OSBPL9: variants seen among roughly 807,000 people sequenced by gnomAD.
OSBPL9 encodes the protein oxysterol-binding protein-related protein 9.
In OSBPL9, 40 loss-of-function variants were observed where a neutral mutation model predicts 106.6. The observed-to-expected ratio is 0.38, with a 90% confidence interval of 0.29 to 0.49. OSBPL9 has a LOEUF of 0.49. Among genes scored for constraint, OSBPL9 ranks in the 20% least tolerant of loss-of-function variants. The probability of loss-of-function intolerance (pLI) is 0.97; values close to 1 mark genes in which losing one functional copy is unlikely to be tolerated. For synonymous variants in OSBPL9, 269 were observed against 295.4 expected (o/e 0.91, Z 0.92); for missense variants, 609 against 887.2 (o/e 0.69, Z 3.98).
chr1:51,740,168 A>G (rs1160088799), intron 4 of OSBPL9: 9 of 1,546,798 alleles, frequency 5.8e-6, no homozygotes, highest in Non-Finnish European at 7.9e-6. Flanking sequence ...GCTTTTTTCC[A>G]GTCTTCTGGT....
the OSBPL9 span, among the ~76,000 whole-genome samples, chr1:51,523,135 A>C: frequency 6.6e-6 from 1 of 152,100 alleles, no homozygotes; most frequent in Non-Finnish European, 1.5e-5. Context: ...AATAAATAAG[A>C]ATAAGGGTGC....
intron 4 of OSBPL9, among the ~76,000 whole-genome samples, chr1:51,727,646 T>C (rs959278396): frequency 2.0e-5 from 3 of 152,222 alleles, no homozygotes; most frequent in African/African-American, 7.2e-5. Context: ...TTTATGAAAA[T>C]ATATTGTACA....
chr1:51,772,513 C>G, intron 13 of OSBPL9, 92 bp from the exon 14 acceptor site: 1 of 1,084,996 alleles, frequency 9.2e-7, no homozygotes, highest in South Asian at 1.3e-5. Flanking sequence ...GAGACTCCAT[C>G]TCAAACAAAC....
the OSBPL9 span, among the ~76,000 whole-genome samples, chr1:51,532,566 C>T: frequency 6.6e-6 from 1 of 152,202 alleles, no homozygotes; most frequent in Non-Finnish European, 1.5e-5. Flanking sequence ...CCAGGTAGCA[C>T]TAAAAGCCCA....
the OSBPL9 span, among the ~76,000 whole-genome samples, chr1:51,522,456 C>T: frequency 2.0e-5 from 3 of 152,012 alleles, no homozygotes; most frequent in East Asian, 5.8e-4. Context: ...GAATAATGGG[C>T]CAAATTCCCA....
intron 7 of OSBPL9, chr1:51,749,456 G>T (rs981628804): frequency 2.6e-6 from 1 of 381,436 alleles, no homozygotes; most frequent in East Asian, 7.5e-5. Context: ...AGGGCTATAG[G>T]CACACGCTAC....
intron 4 of OSBPL9, among the ~76,000 whole-genome samples, chr1:51,730,847 G>A (rs867086826): frequency 1.1e-4 from 17 of 152,170 alleles, no homozygotes; most frequent in Non-Finnish European, 2.2e-4. Context: ...TCTCAGTGGA[G>A]AAGCTGGAAG....
At chr1:51,615,867 T>C (rs183810862), upstream of OSBPL9, among the ~76,000 whole-genome samples, 18 of 152,282 alleles carry the variant, frequency 1.2e-4, 1 homozygote, top group East Asian at 2.9e-3. Context: ...TTAATCAGTA[T>C]TGGATATTTT....
At chr1:51,731,788 A>AG (rs1664510067) in intron 4 of OSBPL9, among the ~76,000 whole-genome samples, 1 of 152,084 alleles carries the variant, frequency 6.6e-6, no homozygotes, top group African/African-American at 2.4e-5. Flanking sequence ...AAAAAAAAAA[A>AG]AAAAACTCTT....
At chr1:51,647,647 A>G (rs575682001) in intron 1 of OSBPL9, among the ~76,000 whole-genome samples, 1 of 151,926 alleles carries the variant, frequency 6.6e-6, no homozygotes, top group Non-Finnish European at 1.5e-5. Flanking sequence ...CTTTCTTGGA[A>G]TTTATTGGTT....
At chr1:51,733,883 T>G (rs897877368) in intron 4 of OSBPL9, among the ~76,000 whole-genome samples, 4 of 152,026 alleles carry the variant, frequency 2.6e-5, no homozygotes, top group African/African-American at 9.7e-5. Flanking sequence ...GTAGTACGAG[T>G]ACTAATTGGT....
At chr1:51,680,885 A>G (rs938956022) in intron 3 of OSBPL9, among the ~76,000 whole-genome samples, 1 of 152,114 alleles carries the variant, frequency 6.6e-6, no homozygotes, top group African/African-American at 2.4e-5. Context: ...AGTCTTGCCC[A>G]ATTGCGTTTA....
chr1:51,635,342 C>T (rs1038635167), intron 1 of OSBPL9, among the ~76,000 whole-genome samples: 1 of 151,766 alleles, frequency 6.6e-6, no homozygotes, highest in African/African-American at 2.4e-5. Context: ...GTGAGGTAAT[C>T]TTCCTAGATT....
intron 10 of OSBPL9, among the ~76,000 whole-genome samples, chr1:51,761,043 G>A (rs1671375714): frequency 6.6e-6 from 1 of 152,172 alleles, no homozygotes; most frequent in Non-Finnish European, 1.5e-5. Flanking sequence ...GGATTCACTG[G>A]TAGAACAGGA....
At chr1:51,741,265 T>C (rs1666832647) in intron 4 of OSBPL9, among the ~76,000 whole-genome samples, 1 of 152,208 alleles carries the variant, frequency 6.6e-6, no homozygotes, top group African/African-American at 2.4e-5. Flanking sequence ...CAGATGTGTA[T>C]GTTTCTCTTT....
intron 8 of OSBPL9, 128 bp downstream of exon 8, chr1:51,750,323 C>T: frequency 1.8e-6 from 1 of 567,804 alleles, no homozygotes; most frequent in East Asian, 3.2e-5. Flanking sequence ...GTATTGTGAG[C>T]TTATTCTATG....
Position 51,750,177 on chromosome 1 carries a change from G to A in OSBPL9, c.525G>A (p.Val175=). 1 of 1,607,094 alleles carries A rather than the reference G, an allele frequency of 6.2e-7. No individual in the cohort carries two copies. The highest frequency in any genetic ancestry group is 1.1e-5 in the South Asian group (1 of 89,574). The change falls in exon 8 of 24, where the codon GTG becomes GTA. Residue 175 remains valine, a synonymous_variant. Coordinates refer to ENST00000428468, the MANE Select transcript of OSBPL9 (RefSeq NM_024586.6). ...SMVESIKHCI[V]LLQIAKDQSN... Reference sequence around the variant, plus strand: ...TAGAATCAATTAAACACTGCATTGTGTTGCTGCAGATTGCCAAAGTAAGTA... The same window carrying A: ...TAGAATCAATTAAACACTGCATTGTATTGCTGCAGATTGCCAAAGTAAGTA...
At chr1:51,615,091 C>A (rs547015590), upstream of OSBPL9, among the ~76,000 whole-genome samples, 83 of 152,278 alleles carry the variant, frequency 5.5e-4, no homozygotes, top group African/African-American at 1.9e-3. Context: ...GAAACCTCGT[C>A]TCTACTAAAA....
At chr1:51,663,956 C>T (rs1647776490) in intron 2 of OSBPL9, among the ~76,000 whole-genome samples, 1 of 152,088 alleles carries the variant, frequency 6.6e-6, no homozygotes. Flanking sequence ...ACTTACCTGC[C>T]AAGAATAACT....
Sources: gnomAD v4.1 joint callset for allele counts (sites outside exome capture counted in the v4.1 genomes callset) on GRCh38, gnomAD v4.1.1 for gene constraint, MANE v1.5 for transcripts, NCBI Gene and HGNC (gene_info 2026-07-23, HGNC 2026-07-21) for gene names.